ABI2: variants seen among roughly 807,000 people sequenced by gnomAD.
ABI2 encodes the protein abl interactor 2, also known as abelson interactor 2.
Under a neutral mutation model 59.2 loss-of-function variants are expected in ABI2, and 25 were observed. The ratio of observed to expected loss-of-function variants is 0.42; its 90% confidence interval spans 0.31 to 0.59. The LOEUF is 0.59. Ranked by LOEUF, ABI2 falls within the 20% of genes least tolerant of loss-of-function variation. The probability of loss-of-function intolerance (pLI) is 0.14; values close to 1 mark genes in which losing one functional copy is unlikely to be tolerated. For synonymous variants in ABI2, 213 were observed against 235.5 expected (o/e 0.90, Z 0.87); for missense variants, 545 against 681.8 (o/e 0.80, Z 2.23).
chr2:203,417,104 G>A lies in ABI2; in HGVS notation c.1453+23G>A, dbSNP rs1257327460. 12 of 1,581,926 alleles carry A rather than the reference G, an allele frequency of 7.6e-6. No individual in the cohort carries two copies. In the Admixed American group the frequency reaches 2.0e-4, roughly 26 times the overall value. ...AGGGTAAGTTTCAGAAGGATATCTG[G>A]ATAGATGGGAAGAAACCTCTACATA... On this transcript the variant is annotated intron_variant, in intron 11 of 11. Transcript: ENST00000261018.
At chr2:203,391,207 A>T in intron 5 of ABI2, 64 bp downstream of exon 5, 1 of 1,125,278 alleles carries the variant, frequency 8.9e-7, no homozygotes, top group East Asian at 2.8e-5. Context: ...GAAGCACAAC[A>T]TATTTAAATT....
intron 4 of ABI2, chr2:203,386,441 T>G (rs1559296788): frequency 6.5e-6 from 1 of 154,220 alleles, no homozygotes; most frequent in Admixed American, 7.0e-5. Flanking sequence ...TTTTTTTTTT[T>G]TTTTTTTTTT....
intron 1 of ABI2, among the ~76,000 whole-genome samples, chr2:203,357,287 TA>T (rs2092368032): frequency 6.6e-6 from 1 of 152,174 alleles, no homozygotes; most frequent in Admixed American, 6.5e-5. Context: ...CTTGGGAGTA[TA>T]AATTAATTAT....
intron 7 of ABI2, 85 bp downstream of exon 7, chr2:203,395,865 T>A: frequency 1.4e-6 from 2 of 1,388,048 alleles, no homozygotes; most frequent in Non-Finnish European, 1.9e-6. Context: ...GCTTTCTTCG[T>A]AATCAGGATT....
At chr2:203,389,847 G>A (rs150571570) in intron 4 of ABI2, among the ~76,000 whole-genome samples, 3 of 152,290 alleles carry the variant, frequency 2.0e-5, no homozygotes, top group African/African-American at 7.2e-5. Flanking sequence ...CTGTATAAGT[G>A]CTAACATACT....
chr2:203,422,742 A>G (rs2098271699), intron 11 of ABI2, among the ~76,000 whole-genome samples: 1 of 152,190 alleles, frequency 6.6e-6, no homozygotes, highest in Non-Finnish European at 1.5e-5. Flanking sequence ...GGGCAGAAGG[A>G]ATATGGCTGT....
At chr2:203,376,151 A>G in intron 2 of ABI2, 3 of 1,515,664 alleles carry the variant, frequency 2.0e-6, no homozygotes, top group Admixed American at 2.0e-5. Flanking sequence ...CCAGCTAATT[A>G]GTCCTTCCTC....
intron 8 of ABI2, among the ~76,000 whole-genome samples, chr2:203,400,605 G>A (rs188483289): frequency 3.9e-5 from 6 of 152,208 alleles, no homozygotes; most frequent in Admixed American, 3.9e-4. Context: ...AGTTGATAGT[G>A]GATTATGTTT....
chr2:203,396,967 GGTAA>G lies in ABI2; in HGVS notation c.1033+4_1033+7del. ...TGTTGTTTCTTCCACTCCCCCTACA[GGTAA>G]GTATTTGCTTATTCATTGGCAGGCA... On this transcript the variant is annotated splice_donor_variant and splice_donor_region_variant and intron_variant, in intron 8 of 11. Coordinates refer to ENST00000261018, the MANE Select transcript of ABI2 (RefSeq NM_001375670.1). LOFTEE classifies it high-confidence loss of function. 1 of 1,482,802 alleles carries G rather than the reference GGTAA, an allele frequency of 6.7e-7. No individual in the cohort carries two copies. Among genetic ancestry groups the G allele is most frequent in the Non-Finnish European group, 8.9e-7 (1 of 1,121,284 alleles). The allele number at this position is 1,482,802 out of a possible 1,614,324, so 91.9% of individuals were successfully genotyped here.
At chr2:203,354,840 GT>G (rs2091047731) in intron 1 of ABI2, among the ~76,000 whole-genome samples, 1 of 152,128 alleles carries the variant, frequency 6.6e-6, no homozygotes, top group Admixed American at 6.6e-5. Flanking sequence ...TGCTATCTTA[GT>G]ATCTTCTAAG....
intron 2 of ABI2, among the ~76,000 whole-genome samples, chr2:203,368,343 T>A (rs1559237705): frequency 6.6e-6 from 1 of 152,130 alleles, no homozygotes. Flanking sequence ...AGCACTCTTG[T>A]CATTTGAATG....
intron 8 of ABI2, among the ~76,000 whole-genome samples, chr2:203,398,096 T>C (rs2097078497): frequency 6.6e-6 from 1 of 152,264 alleles, no homozygotes; most frequent in Admixed American, 6.5e-5. Flanking sequence ...CTGTTATACA[T>C]GTTAAACATA....
At chr2:203,361,834 C>T (rs933724605) in intron 1 of ABI2, among the ~76,000 whole-genome samples, 1 of 152,160 alleles carries the variant, frequency 6.6e-6, no homozygotes. Context: ...GAGCGAGGTA[C>T]CCTTTCTCAA....
At chr2:203,387,444 T>G (rs942133535) in intron 4 of ABI2, among the ~76,000 whole-genome samples, 3 of 152,210 alleles carry the variant, frequency 2.0e-5, no homozygotes. Flanking sequence ...CTACCTCCGG[T>G]GGTATTTGCA....
At chr2:203,419,419 A>C (rs2098089359) in intron 11 of ABI2, among the ~76,000 whole-genome samples, 1 of 146,822 alleles carries the variant, frequency 6.8e-6, no homozygotes, top group Admixed American at 6.8e-5. Context: ...CCCAGGCTGG[A>C]GTGCAGTGGT....
intron 11 of ABI2, among the ~76,000 whole-genome samples, chr2:203,423,646 A>T (rs969365247): frequency 2.0e-4 from 31 of 152,238 alleles, no homozygotes; most frequent in African/African-American, 7.5e-4. Flanking sequence ...GCTGGTCTCA[A>T]ACCTGACCTT....
At chr2:203,328,934 TGGCGGAGGG>T (rs2070596757) in intron 1 of ABI2, 1 of 243,976 alleles carries the variant, frequency 4.1e-6, no homozygotes, top group Non-Finnish European at 7.8e-6. Context: ...GCGTTCCGGA[TGGCGGAGGG>T]GGCGGAGAGT....
intron 1 of ABI2, among the ~76,000 whole-genome samples, chr2:203,338,945 T>C (rs1324687144): frequency 1.4e-4 from 6 of 42,514 alleles, no homozygotes; most frequent in African/African-American, 9.6e-4. Flanking sequence ...TATATATATA[T>C]ATATATATAT....
chr2:203,333,164 TA>T (rs950346400), intron 1 of ABI2, among the ~76,000 whole-genome samples: 2 of 152,154 alleles, frequency 1.3e-5, no homozygotes, highest in African/African-American at 4.8e-5. Context: ...TTTTATTTAA[TA>T]AAAATCATTA....
Sources: allele counts gnomAD v4.1 joint callset (sites outside exome capture counted in the v4.1 genomes callset), GRCh38; gene constraint gnomAD v4.1.1; transcripts MANE v1.5; gene names NCBI Gene and HGNC (gene_info 2026-07-23, HGNC 2026-07-21).